Variants in IFNGR1 observed in about 807,000 individuals in gnomAD.
IFNGR1 encodes the protein interferon gamma receptor 1.
Under a neutral mutation model 35.4 loss-of-function variants are expected in IFNGR1, and 23 were observed. The ratio of observed to expected loss-of-function variants is 0.65; its 90% confidence interval spans 0.47 to 0.92. The LOEUF is 0.92. Among genes scored for constraint, IFNGR1 ranks in the 40% least tolerant of loss-of-function variants. The pLI is 0.00. For synonymous variants in IFNGR1, 199 were observed against 209.5 expected (o/e 0.95, Z 0.43); for missense variants, 533 against 583.4 (o/e 0.91, Z 0.89).
chr6:137,204,451 T>C lies in IFNGR1; in HGVS notation c.427A>G (p.Ile143Val). ...AAAACTGAAGGGTGAAATATGTCAA[T>C]CATGATTTGCTTCTCCTCCTTTCTG... ...DIRKEEKQIM[I>V]DIFHPSVFVN... The change falls in exon 4 of 7, where the codon ATT becomes GTT. Residue 143 changes from isoleucine to valine, a missense_variant. Ile to Val is a conservative substitution (Grantham distance 29). Transcript: ENST00000367739. 6.2e-7 allele frequency: 1 copy of C among 1,614,002 alleles called. No homozygotes were observed. The highest frequency in any genetic ancestry group is 8.5e-7 in the Non-Finnish European group (1 of 1,179,894).
chr6:137,200,984 G>A lies in IFNGR1; in HGVS notation c.758C>T (p.Ala253Val). 1 of 1,613,318 alleles carries A rather than the reference G, an allele frequency of 6.2e-7. No homozygotes were observed. Among genetic ancestry groups the A allele is most frequent in the African/African-American group, 1.3e-5 (1 of 75,010 alleles). ...AAGCACTAGAAAGAGTAGTAAAGCA[G>A]CAACAACTGGAATCCAAAGAGAACC... ...IKGSLWIPVV[A>V]ALLLFLVLSL... The change falls in exon 6 of 7, where the codon GCT (alanine) becomes GTT (valine). Residue 253 changes from alanine (A) to valine (V), a missense_variant. Physicochemically the swap from Ala to Val is moderately conservative, Grantham distance 64 (BLOSUM62 0). Transcript: ENST00000367739.
Position 137,219,248 on chromosome 6 carries a change from G to A in IFNGR1, c.80C>T (p.Ser27Phe), listed in dbSNP as rs770509341. The change falls in exon 1 of 7, where the codon TCC (serine) becomes TTC (phenylalanine). Residue 27 changes from serine to phenylalanine, a missense_variant. Physicochemically the swap from Ser to Phe is radical, Grantham distance 155 (BLOSUM62 -2). Transcript: ENST00000367739. Reference protein sequence around the residue: ...AEMGTADLGPSSVPTPTNVTI... With the variant: ...AEMGTADLGPFSVPTPTNVTI... ...CCTGCCGCGAACGACGGTACCTGAGGACGGCCCCAGATCCGCGGTGCCCAT... is the reference window on the plus strand; with the variant it reads ...CCTGCCGCGAACGACGGTACCTGAGAACGGCCCCAGATCCGCGGTGCCCAT... The A allele has an allele frequency of 6.2e-7, 1 of 1,610,096 alleles. No individual in the cohort carries two copies. Among genetic ancestry groups the A allele is most frequent in the Non-Finnish European group, 8.5e-7 (1 of 1,178,640 alleles).
intron 3 of IFNGR1, among the ~76,000 whole-genome samples, chr6:137,204,840 T>G (rs1475216610): frequency 6.6e-6 from 1 of 152,242 alleles, no homozygotes; most frequent in Non-Finnish European, 1.5e-5. Flanking sequence ...AATTTTTCCT[T>G]TATCTTTGCT....
rs77354976 is a variant in IFNGR1, at chr6:137,202,413, G to A, written c.733+1086C>T. On this transcript the variant is annotated intron_variant, in intron 5 of 6. Coordinates refer to ENST00000367739, the MANE Select transcript of IFNGR1 (RefSeq NM_000416.3). ...AGCATAACGAAAATTAGCATAAAAT[G>A]CATTGCACTGCTTTAAATCACCTAT... 1.5e-3 allele frequency among the ~76,000 whole-genome samples: 232 copies of A among 152,270 alleles called. 1 individual carries two copies. Among genetic ancestry groups the A allele is most frequent in the African/African-American group, 5.3e-3 (221 of 41,544 alleles).
At chr6:137,205,953 C>T (rs1288854477) in intron 3 of IFNGR1, among the ~76,000 whole-genome samples, 183 bp downstream of exon 3, 1 of 152,174 alleles carries the variant, frequency 6.6e-6, no homozygotes, top group African/African-American at 2.4e-5. Flanking sequence ...CAAAAAGTTT[C>T]AGATTTTGGA....
At chr6:137,206,376 T>C in intron 2 of IFNGR1, 68 bp from the exon 3 acceptor site, 1 of 1,242,022 alleles carries the variant, frequency 8.1e-7, no homozygotes, top group Non-Finnish European at 1.2e-6. Context: ...CATTTCTGTC[T>C]GTGCTTTGCT....
At position 137,219,376 on chromosome 6, in the gene IFNGR1, G is replaced by C; in HGVS notation, c.-49C>G. Reference sequence around the variant, plus strand: ...CCAACCCCGAGCGCCTGCGGGACCAGCCCAGCACTGCCCTCCAGCCCCGGC... The same window carrying C: ...CCAACCCCGAGCGCCTGCGGGACCACCCCAGCACTGCCCTCCAGCCCCGGC... On this transcript the variant is annotated 5_prime_UTR_variant, in exon 1 of 7. Transcript: ENST00000367739. The C allele has an allele frequency of 6.4e-7, 1 of 1,566,690 alleles. No homozygotes were observed. The highest frequency in any genetic ancestry group is 1.2e-5 in the South Asian group (1 of 85,312).
At chr6:137,208,104 C>T (rs1779485410) in intron 1 of IFNGR1, among the ~76,000 whole-genome samples, 1 of 152,110 alleles carries the variant, frequency 6.6e-6, no homozygotes, top group African/African-American at 2.4e-5. Flanking sequence ...GGCATTTTGC[C>T]CCTGCCCCAG....
In IFNGR1 at chr6:137,197,818, C is replaced by CTTTTT; in HGVS notation, c.*208_*212dup. 3.7e-6 allele frequency: 2 copies of CTTTTT among 541,858 alleles called. No individual in the cohort carries two copies. The highest frequency in any genetic ancestry group is 6.4e-6 in the Non-Finnish European group (2 of 312,484). 33.6% of individuals were successfully genotyped at this position (541,858 alleles called of 1,614,324 possible). ...ATGTAAAGGTTCATAAGTTACAATG[C>CTTTTT]TTTTTTTGTTTAAAAAAAAAAAAAA... On this transcript the variant is annotated 3_prime_UTR_variant, in exon 7 of 7. Transcript: ENST00000367739.
chr6:137,204,585 T>G (rs1448569379), intron 3 of IFNGR1, 81 bp from the exon 4 acceptor site: 24 of 1,135,994 alleles, frequency 2.1e-5, no homozygotes, highest in Non-Finnish European at 3.2e-5. Context: ...CCAGAATCTA[T>G]CAATCAACCT....
chr6:137,218,527 A>C (rs17175267), intron 1 of IFNGR1: 1 of 1,288,902 alleles, frequency 7.8e-7, no homozygotes, highest in African/African-American at 1.5e-5. Context: ...CTTACTTCTC[A>C]GCTGCCACTT....
At chr6:137,202,946 C>A (rs1398802603) in intron 5 of IFNGR1, among the ~76,000 whole-genome samples, 2 of 152,094 alleles carry the variant, frequency 1.3e-5, no homozygotes, top group Admixed American at 1.3e-4. Context: ...GCATATATAT[C>A]TCTACCTCCC....
intron 1 of IFNGR1, among the ~76,000 whole-genome samples, chr6:137,211,407 A>G (rs1299917145): frequency 3.3e-5 from 5 of 152,216 alleles, no homozygotes; most frequent in African/African-American, 1.2e-4. Flanking sequence ...CTTCTATATT[A>G]TTTACCAAAA....
At chr6:137,199,391 TAA>T (rs1562283068) in intron 6 of IFNGR1, among the ~76,000 whole-genome samples, 2 of 126,356 alleles carry the variant, frequency 1.6e-5, no homozygotes, top group East Asian at 2.1e-4. Flanking sequence ...TTATATTACA[TAA>T]AATATATAAT....
In IFNGR1 at chr6:137,199,167, A is replaced by C. The variant is rs369734796; in HGVS notation, c.862-528T>G. ...TGAACATCGGACTCTGAATTCTTCA[A>C]GTTTGGAGCTTGGACTGGCTCTCCT... On this transcript the variant is annotated intron_variant, in intron 6 of 6. Transcript: ENST00000367739. Among the ~76,000 whole-genome samples, 158 of 151,314 alleles carry C rather than the reference A, an allele frequency of 1.0e-3. 4 individuals are homozygous for C. The South Asian group carries it at 0.018, about 17-fold the overall frequency.
intron 3 of IFNGR1, 140 bp downstream of exon 3, chr6:137,205,996 C>T: frequency 1.4e-6 from 1 of 729,912 alleles, no homozygotes; most frequent in Non-Finnish European, 2.3e-6. Context: ...GGATGCTCAA[C>T]CTGTACTGAC....
chr6:137,199,567 A>AAAAT, intron 6 of IFNGR1, among the ~76,000 whole-genome samples: 1 of 66,182 alleles, frequency 1.5e-5, no homozygotes, highest in East Asian at 4.1e-4. Context: ...AAATATATAT[A>AAAAT]ATATATAATA....
intron 2 of IFNGR1, chr6:137,206,729 A>G (rs964957734): frequency 1.9e-6 from 1 of 537,626 alleles, no homozygotes; most frequent in African/African-American, 1.9e-5. Flanking sequence ...TTTATTTGTC[A>G]TGCTAATCTC....
intron 6 of IFNGR1, among the ~76,000 whole-genome samples, 165 bp from the exon 7 acceptor site, chr6:137,198,804 TAAAA>T (rs1382539821): frequency 6.6e-6 from 1 of 152,196 alleles, no homozygotes; most frequent in Non-Finnish European, 1.5e-5. Flanking sequence ...ATAGTAATAT[TAAAA>T]ACAAAGTTTT....
Sources: allele counts gnomAD v4.1 joint callset (sites outside exome capture counted in the v4.1 genomes callset), GRCh38; gene constraint gnomAD v4.1.1; transcripts MANE v1.5; gene names NCBI Gene and HGNC (gene_info 2026-07-23, HGNC 2026-07-21).